The following PCDHA6 variants were observed in gnomAD, a reference collection of about 807,000 sequenced individuals.
PCDHA6 encodes the protein protocadherin alpha-6.
In PCDHA6, 55 loss-of-function variants were observed where a neutral mutation model predicts 60.3. That is an observed-to-expected ratio of 0.91 (90% CI 0.73 to 1.14). The LOEUF is 1.14. PCDHA6 is among the 50% of genes most tolerant of loss of function. The pLI, the probability that PCDHA6 is intolerant of heterozygous loss-of-function variation, is 0.00. For missense variants in PCDHA6, 1,327 were observed against 1,256.5 expected (o/e 1.06, Z -0.85); for synonymous variants, 652 against 557.9 (o/e 1.17, Z -2.38).
intron 1 of PCDHA6, among the ~76,000 whole-genome samples, chr5:140,965,466 A>C (rs1364686627): frequency 2.6e-5 from 4 of 152,002 alleles, no homozygotes; most frequent in Non-Finnish European, 4.4e-5. Flanking sequence ...GATAAATCCC[A>C]GACTCCCACA....
At chr5:140,884,396 C>A (rs2060144550) in intron 1 of PCDHA6, 2 of 1,614,012 alleles carry the variant, frequency 1.2e-6, no homozygotes, top group Middle Eastern at 1.6e-4. Flanking sequence ...GGTGTCCAGC[C>A]TGTTGGTGCT....
chr5:140,875,371 C>T (rs2055439966), intron 1 of PCDHA6: 2 of 1,451,152 alleles, frequency 1.4e-6, no homozygotes, highest in African/African-American at 1.4e-5. Flanking sequence ...AAAAAATTTA[C>T]TAAATATGTA....
chr5:140,877,661 G>C, intron 1 of PCDHA6: 1 of 1,613,572 alleles, frequency 6.2e-7, no homozygotes. Flanking sequence ...CCCACCGTGA[G>C]CCGGTGCGCG....
chr5:140,899,969 A>G (rs2067649868), intron 1 of PCDHA6, among the ~76,000 whole-genome samples: 1 of 151,820 alleles, frequency 6.6e-6, no homozygotes, highest in African/African-American at 2.4e-5. Flanking sequence ...TGCCATGCCC[A>G]GCTACTTTTT....
chr5:140,929,681 A>C, intron 1 of PCDHA6: 1 of 302,408 alleles, frequency 3.3e-6, no homozygotes. Flanking sequence ...AAAAATATGT[A>C]AGAGTCTGCT....
chr5:140,905,043 A>G (rs782694794), intron 1 of PCDHA6, among the ~76,000 whole-genome samples: 1 of 152,244 alleles, frequency 6.6e-6, no homozygotes, highest in East Asian at 1.9e-4. Flanking sequence ...TAGTTTAATT[A>G]GGTCCCATTT....
rs781922775 is a variant in PCDHA6 at position 140,856,490 on chromosome 5, G to C, written c.2394+26005G>C. On this transcript the variant is annotated intron_variant, in intron 1 of 3. Coordinates refer to ENST00000529310, the MANE Select transcript of PCDHA6 (RefSeq NM_018909.4). Reference sequence around the variant, plus strand: ...CTCAATACCTGAATCCAGACTGCTTGACTCTCGATTTCCACTAGAAGGCGC... The same window carrying C: ...CTCAATACCTGAATCCAGACTGCTTCACTCTCGATTTCCACTAGAAGGCGC... 1.9e-6 allele frequency: 3 copies of C among 1,598,350 alleles called. 1 individual carries two copies. The highest frequency in any genetic ancestry group is 2.6e-6 in the Non-Finnish European group (3 of 1,167,864).
chr5:140,924,527 G>T (rs2081885403), intron 1 of PCDHA6, among the ~76,000 whole-genome samples: 1 of 152,074 alleles, frequency 6.6e-6, no homozygotes. Context: ...AAAAGAGAAT[G>T]CCCGAGCTAC....
At chr5:140,835,268 G>A in intron 1 of PCDHA6, 5 of 1,609,704 alleles carry the variant, frequency 3.1e-6, no homozygotes, top group Non-Finnish European at 4.2e-6. Flanking sequence ...AGTTCCACAT[G>A]GACCCCTTAA....
At chr5:140,976,787 C>T (rs1460336492) in intron 1 of PCDHA6, among the ~76,000 whole-genome samples, 3 of 152,150 alleles carry the variant, frequency 2.0e-5, no homozygotes, top group Admixed American at 6.5e-5. Flanking sequence ...TATATAGCTA[C>T]GCTTTTATGA....
At chr5:140,870,900 C>T in intron 1 of PCDHA6, 1 of 1,613,956 alleles carries the variant, frequency 6.2e-7, no homozygotes, top group Non-Finnish European at 8.5e-7. Flanking sequence ...TGGATGCGGA[C>T]TCAGGCTACA....
chr5:140,928,252 G>A (rs1377533547), intron 1 of PCDHA6: 3 of 1,614,206 alleles, frequency 1.9e-6, no homozygotes, highest in East Asian at 2.2e-5. Flanking sequence ...GGAACTTTTC[G>A]TTGCTGAAAA....
intron 1 of PCDHA6, chr5:140,848,593 A>T: frequency 1.3e-6 from 2 of 1,593,964 alleles, no homozygotes; most frequent in Non-Finnish European, 1.7e-6. Context: ...CAGCTCCACT[A>T]CTCCGTCCCG....
chr5:140,939,565 A>G (rs560033193), intron 1 of PCDHA6, among the ~76,000 whole-genome samples: 24 of 152,096 alleles, frequency 1.6e-4, no homozygotes, highest in African/African-American at 5.8e-4. Flanking sequence ...TAGTTTGGTT[A>G]ATCAAAATGG....
Position 140,856,457 on chromosome 5 carries a change from C to T in PCDHA6, c.2394+25972C>T, listed in dbSNP as rs1383276232. On this transcript the variant is annotated intron_variant, in intron 1 of 3. Coordinates refer to ENST00000529310, the MANE Select transcript of PCDHA6 (RefSeq NM_018909.4). ...CCCGCCCAGGTTCTCCGTAACAGAACAAAAGCTCTCAATACCTGAATCCAG... is the reference window on the plus strand; with the variant it reads ...CCCGCCCAGGTTCTCCGTAACAGAATAAAAGCTCTCAATACCTGAATCCAG... 12 of 1,598,330 alleles carry T rather than the reference C, an allele frequency of 7.5e-6. 1 individual carries two copies. The highest frequency in any genetic ancestry group is 1.0e-5 in the Non-Finnish European group (12 of 1,167,902).
intron 1 of PCDHA6, chr5:140,856,070 C>G (rs533914587): frequency 1.3e-6 from 2 of 1,591,758 alleles, no homozygotes; most frequent in South Asian, 2.2e-5. Context: ...ATGTAGCTGC[C>G]TGGGGGTCCA....
intron 1 of PCDHA6, among the ~76,000 whole-genome samples, chr5:140,893,800 T>C (rs1483033571): frequency 6.6e-6 from 1 of 152,174 alleles, no homozygotes; most frequent in Non-Finnish European, 1.5e-5. Flanking sequence ...ATTCCCTCCT[T>C]GTCTTGAGTC....
chr5:140,860,192 C>CATATAT (rs143984774), intron 1 of PCDHA6: 2 of 146,816 alleles, frequency 1.4e-5, no homozygotes, highest in African/African-American at 5.0e-5. Context: ...GCTCTCCTTA[C>CATATAT]ATATATATCT....
At chr5:140,902,509 A>G (rs1242435474) in intron 1 of PCDHA6, among the ~76,000 whole-genome samples, 2 of 152,056 alleles carry the variant, frequency 1.3e-5, no homozygotes, top group Non-Finnish European at 2.9e-5. Context: ...TGAGTCTGTC[A>G]TATATGGTTT....
Sources: allele counts gnomAD v4.1 joint callset (sites outside exome capture counted in the v4.1 genomes callset), GRCh38; gene constraint gnomAD v4.1.1; transcripts MANE v1.5; gene names NCBI Gene and HGNC (gene_info 2026-07-23, HGNC 2026-07-21).